The following HTR1F variants were observed in gnomAD, a reference collection of about 807,000 sequenced individuals.
HTR1F encodes 5-hydroxytryptamine receptor 1F, also known as 5-hydroxytryptamine (serotonin) receptor 1F, G protein-coupled.
In HTR1F, 17 loss-of-function variants were observed where a neutral mutation model predicts 24.0. The ratio of observed to expected loss-of-function variants is 0.71; its 90% CI spans 0.48 to 1.06. The LOEUF is 1.06. Ranked by LOEUF, HTR1F falls within the 50% of genes least tolerant of loss-of-function variation. The pLI is 0.00. For missense variants in HTR1F, 391 were observed against 427.8 expected (o/e 0.91, Z 0.76); for synonymous variants, 186 against 156.8 (o/e 1.19, Z -1.39).
intron 2 of HTR1F, among the ~76,000 whole-genome samples, chr3:87,934,870 T>C (rs970910446): frequency 3.9e-5 from 6 of 152,172 alleles, no homozygotes; most frequent in African/African-American, 1.4e-4. Context: ...TTAACTGTTT[T>C]TGATTTTCAT....
At chr3:87,809,438 G>T (rs1225196719) in intron 1 of HTR1F, among the ~76,000 whole-genome samples, 3 of 151,952 alleles carry the variant, frequency 2.0e-5, no homozygotes, top group Non-Finnish European at 4.4e-5. Flanking sequence ...TTCAGTTGAT[G>T]CATAGTTTTA....
At chr3:87,852,302 A>G (rs1434020588) in intron 2 of HTR1F, among the ~76,000 whole-genome samples, 5 of 151,542 alleles carry the variant, frequency 3.3e-5, no homozygotes, top group African/African-American at 1.2e-4. Context: ...AGAATTCTTT[A>G]TATCTGTTTT....
chr3:87,895,797 C>T (rs1293155521), intron 2 of HTR1F, among the ~76,000 whole-genome samples: 1 of 152,096 alleles, frequency 6.6e-6, no homozygotes, highest in Admixed American at 6.6e-5. Flanking sequence ...GAAGTTAAGA[C>T]TTTGGTGAAT....
intron 2 of HTR1F, among the ~76,000 whole-genome samples, chr3:87,829,618 G>A (rs1241503903): frequency 6.6e-6 from 1 of 152,122 alleles, no homozygotes; most frequent in African/African-American, 2.4e-5. Context: ...TTTCATCTAT[G>A]TTTGCACACT....
intron 1 of HTR1F, among the ~76,000 whole-genome samples, 193 bp from the exon 2 acceptor site, chr3:87,821,815 C>T (rs1704364393): frequency 6.6e-6 from 1 of 151,364 alleles, no homozygotes; most frequent in Non-Finnish European, 1.5e-5. Flanking sequence ...TGATCTTCAT[C>T]TCCCCCCAAA....
intron 2 of HTR1F, among the ~76,000 whole-genome samples, chr3:87,855,638 A>G (rs999870864): frequency 2.6e-5 from 4 of 152,026 alleles, no homozygotes; most frequent in Non-Finnish European, 4.4e-5. Context: ...TCTTATCTGC[A>G]GTTTTCGTTG....
intron 2 of HTR1F, among the ~76,000 whole-genome samples, chr3:87,894,092 T>C (rs1320298479): frequency 1.3e-5 from 2 of 152,100 alleles, no homozygotes; most frequent in East Asian, 1.9e-4. Context: ...GTAAGTTCTT[T>C]AGTGGTGATT....
chr3:87,850,513 C>T (rs1025845850), intron 2 of HTR1F, among the ~76,000 whole-genome samples: 6 of 151,598 alleles, frequency 4.0e-5, no homozygotes, highest in Admixed American at 2.0e-4. Flanking sequence ...ATGTAAATGA[C>T]GAGTTAATGG....
chr3:87,944,678 G>C (rs1559643575), intron 2 of HTR1F, among the ~76,000 whole-genome samples: 1 of 152,222 alleles, frequency 6.6e-6, no homozygotes, highest in Admixed American at 6.5e-5. Flanking sequence ...TTTTGAGTTA[G>C]TAAGCTATCT....
At chr3:87,869,106 G>A (rs1303704096) in intron 2 of HTR1F, among the ~76,000 whole-genome samples, 1 of 151,786 alleles carries the variant, frequency 6.6e-6, no homozygotes, top group Admixed American at 6.6e-5. Context: ...GAACTTTATT[G>A]TTATCACAAC....
At chr3:87,879,964 A>C (rs1164041942) in intron 2 of HTR1F, among the ~76,000 whole-genome samples, 1 of 152,186 alleles carries the variant, frequency 6.6e-6, no homozygotes, top group Non-Finnish European at 1.5e-5. Context: ...TATTTAAAAG[A>C]AATATAAAAT....
At chr3:87,905,279 C>A (rs183274817) in intron 2 of HTR1F, among the ~76,000 whole-genome samples, 1 of 151,916 alleles carries the variant, frequency 6.6e-6, no homozygotes, top group East Asian at 1.9e-4. Context: ...CAGTGCCACT[C>A]TAGCTTGGGC....
At chr3:87,977,713 T>G (rs1336966053) in intron 2 of HTR1F, among the ~76,000 whole-genome samples, 2 of 151,806 alleles carry the variant, frequency 1.3e-5, no homozygotes, top group East Asian at 3.9e-4. Flanking sequence ...GAGCCACTGC[T>G]CCCCACCAAA....
At chr3:87,948,576 G>T (rs1399548090) in intron 2 of HTR1F, among the ~76,000 whole-genome samples, 1 of 151,686 alleles carries the variant, frequency 6.6e-6, no homozygotes, top group Non-Finnish European at 1.5e-5. Context: ...TGACCTCCTG[G>T]GCGCAAGCAG....
chr3:87,957,567 A>C (rs1704972036), intron 2 of HTR1F, among the ~76,000 whole-genome samples: 1 of 151,454 alleles, frequency 6.6e-6, no homozygotes, highest in African/African-American at 2.4e-5. Flanking sequence ...AATTTACCAA[A>C]GAAACCATAT....
At chr3:87,862,478 G>A (rs1206644357) in intron 2 of HTR1F, among the ~76,000 whole-genome samples, 1 of 152,140 alleles carries the variant, frequency 6.6e-6, no homozygotes, top group East Asian at 1.9e-4. Context: ...AGAATTTTGG[G>A]AGACAAACAG....
intron 2 of HTR1F, among the ~76,000 whole-genome samples, chr3:87,868,180 T>A (rs2107246211): frequency 6.6e-6 from 1 of 152,250 alleles, no homozygotes; most frequent in Non-Finnish European, 1.5e-5. Context: ...TGGTGGCTTT[T>A]AGCTTGGAGA....
At chr3:87,916,532 A>G (rs1703898895) in intron 2 of HTR1F, among the ~76,000 whole-genome samples, 1 of 152,068 alleles carries the variant, frequency 6.6e-6, no homozygotes, top group African/African-American at 2.4e-5. Flanking sequence ...AAAGGGGTGG[A>G]AAAACACATT....
At chr3:87,943,332 G>A (rs182201717) in intron 2 of HTR1F, among the ~76,000 whole-genome samples, 3 of 152,312 alleles carry the variant, frequency 2.0e-5, no homozygotes, top group African/African-American at 7.2e-5. Flanking sequence ...TCAGATCAAA[G>A]GATTGTCCTA....
Sources: gnomAD v4.1 joint callset for allele counts (sites outside exome capture counted in the v4.1 genomes callset) on GRCh38, gnomAD v4.1.1 for gene constraint, MANE v1.5 for transcripts, NCBI Gene and HGNC (gene_info 2026-07-23, HGNC 2026-07-21) for gene names.